Variants in CNBD1 observed in about 807,000 individuals in gnomAD.
CNBD1 encodes the protein cyclic nucleotide binding domain containing 1, also known as cyclic nucleotide-binding domain-containing protein 1.
CNBD1 carries 71 observed loss-of-function variants against 54.4 expected under a neutral mutation model. That is an observed-to-expected ratio of 1.30 (90% CI 1.08 to 1.59). CNBD1 has a LOEUF of 1.59. CNBD1 is among the 40% of genes most tolerant of loss of function. The probability of loss-of-function intolerance (pLI) is 0.00; values close to 1 mark genes in which losing one functional copy is unlikely to be tolerated. For missense variants in CNBD1, 659 were observed against 518.0 expected, an observed-to-expected ratio of 1.27 and a Z score of -2.64; for synonymous variants, 182 against 170.7, an observed-to-expected ratio of 1.07 and a Z score of -0.51.
intron 4 of CNBD1, among the ~76,000 whole-genome samples, chr8:87,171,063 A>G (rs1813074867): frequency 6.6e-6 from 1 of 151,926 alleles, no homozygotes; most frequent in African/African-American, 2.4e-5. Flanking sequence ...ATCCTCCTCT[A>G]TTTTTTGTAA....
intron 4 of CNBD1, among the ~76,000 whole-genome samples, chr8:87,133,855 A>T (rs898930381): frequency 5.9e-5 from 9 of 152,212 alleles, no homozygotes; most frequent in African/African-American, 2.2e-4. Context: ...TGGGGAAGCT[A>T]TTTGTTGCGT....
intron 2 of CNBD1, among the ~76,000 whole-genome samples, chr8:87,394,210 G>T (rs1018143537): frequency 4.0e-5 from 6 of 151,808 alleles, no homozygotes; most frequent in Admixed American, 4.0e-4. Flanking sequence ...ATTACAACCT[G>T]CTTAGTGAAA....
At chr8:86,875,581 A>G (rs141788981) in intron 1 of CNBD1, among the ~76,000 whole-genome samples, 82 of 152,256 alleles carry the variant, frequency 5.4e-4, no homozygotes, top group African/African-American at 1.7e-3. Flanking sequence ...CTAATTTCTA[A>G]ATCTTGTGCA....
intron 2 of CNBD1, among the ~76,000 whole-genome samples, chr8:86,893,702 C>T (rs1409582053): frequency 6.6e-6 from 1 of 152,092 alleles, no homozygotes; most frequent in Non-Finnish European, 1.5e-5. Flanking sequence ...GTTTTTATTG[C>T]TTATTTCAGT....
At chr8:87,064,198 C>G (rs753640373) in intron 4 of CNBD1, among the ~76,000 whole-genome samples, 2 of 151,986 alleles carry the variant, frequency 1.3e-5, no homozygotes, top group African/African-American at 4.8e-5. Flanking sequence ...TTATTACAGA[C>G]GTTAGTCTAC....
At chr8:86,985,880 A>G (rs938105553) in intron 4 of CNBD1, among the ~76,000 whole-genome samples, 7 of 152,152 alleles carry the variant, frequency 4.6e-5, no homozygotes, top group African/African-American at 7.2e-5. Context: ...GTACTTTTAT[A>G]ATAGCTATTA....
At chr8:86,997,329 A>T (rs1191670888) in intron 4 of CNBD1, among the ~76,000 whole-genome samples, 1 of 152,184 alleles carries the variant, frequency 6.6e-6, no homozygotes, top group Non-Finnish European at 1.5e-5. Context: ...CCTCTTGAGC[A>T]TCATTGCTGT....
At chr8:87,362,876 T>C in intron 10 of CNBD1, among the ~76,000 whole-genome samples, 1 of 151,514 alleles carries the variant, frequency 6.6e-6, no homozygotes, top group East Asian at 1.9e-4. Flanking sequence ...ATATTCTAAC[T>C]TTTTTTTTGT....
intron 4 of CNBD1, among the ~76,000 whole-genome samples, chr8:87,055,918 CCT>C: frequency 4.1e-5 from 6 of 145,420 alleles, no homozygotes; most frequent in Non-Finnish European, 9.1e-5. Context: ...TTCCTTCCTT[CCT>C]TCCTTCCTTC....
chr8:87,034,851 C>G (rs546901970), intron 4 of CNBD1, among the ~76,000 whole-genome samples: 1 of 152,068 alleles, frequency 6.6e-6, no homozygotes, highest in Non-Finnish European at 1.5e-5. Context: ...GTTCAAGGAT[C>G]AACTATATAC....
Position 86,952,032 on chromosome 8 carries a change from G to A in CNBD1, c.431+12278G>A, listed in dbSNP as rs1286652112. 7.2e-5 allele frequency among the ~76,000 whole-genome samples: 11 copies of A among 152,228 alleles called. No homozygotes were observed. The South Asian group carries it at 2.1e-3, about 29-fold the overall frequency. On this transcript the variant is annotated intron_variant, in intron 4 of 10. Coordinates refer to ENST00000518476, the MANE Select transcript of CNBD1 (RefSeq NM_173538.3). Reference sequence around the variant, plus strand: ...CACTGAGATAAATGCATATCTAATTGCTTCCTTTGGAAAGGAATCAGAAAT... The same window carrying A: ...CACTGAGATAAATGCATATCTAATTACTTCCTTTGGAAAGGAATCAGAAAT...
chr8:87,381,634 A>G (rs143364585), intron 10 of CNBD1, among the ~76,000 whole-genome samples: 145 of 152,184 alleles, frequency 9.5e-4, no homozygotes, highest in African/African-American at 3.4e-3. Context: ...TGACAGATAA[A>G]TGAATTAAAA....
At chr8:86,917,343 G>T (rs1009181825) in intron 3 of CNBD1, among the ~76,000 whole-genome samples, 3 of 152,100 alleles carry the variant, frequency 2.0e-5, no homozygotes, top group Non-Finnish European at 4.4e-5. Context: ...ATAACTTTTA[G>T]GTGATTATTG....
At chr8:87,347,513 A>T (rs904296370) in intron 8 of CNBD1, among the ~76,000 whole-genome samples, 2 of 150,400 alleles carry the variant, frequency 1.3e-5, no homozygotes, top group Non-Finnish European at 2.9e-5. Flanking sequence ...AGTATAAGCA[A>T]TAAACAAATC....
At chr8:87,095,814 C>T (rs1811306249) in intron 4 of CNBD1, among the ~76,000 whole-genome samples, 1 of 152,170 alleles carries the variant, frequency 6.6e-6, no homozygotes. Flanking sequence ...CCCGCCACCA[C>T]ACCTGGCTAT....
chr8:87,288,071 A>G (rs1474099242), intron 8 of CNBD1, among the ~76,000 whole-genome samples: 1 of 152,042 alleles, frequency 6.6e-6, no homozygotes, highest in Non-Finnish European at 1.5e-5. Flanking sequence ...TAAATTCCCC[A>G]TGTTTATTAC....
At chr8:87,066,233 T>C (rs1264470323) in intron 4 of CNBD1, among the ~76,000 whole-genome samples, 1 of 152,004 alleles carries the variant, frequency 6.6e-6, no homozygotes, top group Non-Finnish European at 1.5e-5. Context: ...TAGTGATTTC[T>C]ATGACTGTTG....
At chr8:87,389,819 G>A (rs1190935027) in intron 2 of CNBD1, among the ~76,000 whole-genome samples, 1 of 152,152 alleles carries the variant, frequency 6.6e-6, no homozygotes, top group African/African-American at 2.4e-5. Context: ...AACAAAACTG[G>A]AGGCATCACG....
At chr8:87,153,516 G>A (rs1812649554) in intron 4 of CNBD1, among the ~76,000 whole-genome samples, 1 of 152,128 alleles carries the variant, frequency 6.6e-6, no homozygotes, top group African/African-American at 2.4e-5. Flanking sequence ...AGGCAATGCA[G>A]ATCAGAAAAG....
Sources: gnomAD v4.1 joint callset for allele counts (sites outside exome capture counted in the v4.1 genomes callset) on GRCh38, gnomAD v4.1.1 for gene constraint, MANE v1.5 for transcripts, NCBI Gene and HGNC (gene_info 2026-07-23, HGNC 2026-07-21) for gene names.